The following ZMYM6 variants were observed in gnomAD, a reference collection of about 807,000 sequenced individuals.
The protein encoded by ZMYM6 is zinc finger MYM-type protein 6.
In ZMYM6, 90 loss-of-function variants were observed where a neutral mutation model predicts 134.0. The ratio of observed to expected loss-of-function variants is 0.67; its 90% CI spans 0.57 to 0.80. The LOEUF (loss-of-function observed/expected upper bound fraction) is 0.80, where lower values mean the gene tolerates loss of function less well. ZMYM6 is among the 30% of genes least tolerant of loss of function. ZMYM6 has a pLI of 0.00. For missense variants in ZMYM6, 1,362 were observed against 1,533.9 expected (o/e 0.89, Z 1.87); for synonymous variants, 481 against 524.1 (o/e 0.92, Z 1.12).
At chr1:35,007,431 T>G (rs1641004507) in intron 11 of ZMYM6, among the ~76,000 whole-genome samples, 1 of 151,940 alleles carries the variant, frequency 6.6e-6, no homozygotes, top group East Asian at 1.9e-4. Flanking sequence ...TCTACTAAAG[T>G]ACAAAAATTA....
chr1:35,001,522 A>C (rs1253067485), intron 14 of ZMYM6, among the ~76,000 whole-genome samples: 2 of 152,140 alleles, frequency 1.3e-5, no homozygotes, highest in African/African-American at 2.4e-5. Context: ...CAGAGGAAAG[A>C]AGCATTCTCA....
intron 14 of ZMYM6, among the ~76,000 whole-genome samples, chr1:35,002,971 G>C (rs960082941): frequency 5.3e-5 from 8 of 152,080 alleles, no homozygotes; most frequent in Admixed American, 3.9e-4. Context: ...CTAGGAGTTT[G>C]AGACTAGCCT....
chr1:35,030,298 G>C, intron 2 of ZMYM6: 1 of 418,246 alleles, frequency 2.4e-6, no homozygotes, highest in South Asian at 4.2e-5. Context: ...GAGCATGTTG[G>C]TGTGTGCCCT....
At chr1:35,030,860 C>T (rs1457816310) in intron 1 of ZMYM6, 147 bp from the exon 2 acceptor site, 4 of 522,608 alleles carry the variant, frequency 7.7e-6, no homozygotes, top group African/African-American at 6.0e-5. Context: ...TTTCTTCCTG[C>T]TTTCTGTTCC....
chr1:34,994,460 C>T (rs1307021514), intron 14 of ZMYM6, among the ~76,000 whole-genome samples: 1 of 152,058 alleles, frequency 6.6e-6, no homozygotes, highest in East Asian at 1.9e-4. Flanking sequence ...TGGGAGAAAG[C>T]TTGGCATGCT....
intron 1 of ZMYM6, 148 bp downstream of exon 1, chr1:35,031,667 G>A (rs1006511136): frequency 6.6e-6 from 1 of 152,092 alleles, no homozygotes; most frequent in Non-Finnish European, 1.5e-5. Context: ...CGGTGGACTA[G>A]CCAGTGAATG....
At chr1:35,019,625 G>A (rs1391034541) in intron 3 of ZMYM6, 23 bp from the exon 4 acceptor site, 2 of 1,560,600 alleles carry the variant, frequency 1.3e-6, no homozygotes, top group Admixed American at 2.1e-5. Flanking sequence ...AATAAAAAAA[G>A]TTTTAGTATC....
At chr1:35,028,341 G>C (rs1324424471) in intron 2 of ZMYM6, among the ~76,000 whole-genome samples, 1 of 151,298 alleles carries the variant, frequency 6.6e-6, no homozygotes, top group Non-Finnish European at 1.5e-5. Context: ...GAATGATACT[G>C]CCTGTGAGAT....
chr1:35,013,199 T>C, intron 6 of ZMYM6: 1 of 705,586 alleles, frequency 1.4e-6, no homozygotes, highest in Non-Finnish European at 1.7e-6. Context: ...ATATAGTGTA[T>C]CACAGAAACC....
Position 35,007,502 on chromosome 1 carries a change from C to T in ZMYM6, c.1666-404G>A, listed in dbSNP as rs556196747. ...ACTTAGAAGGCTGAGGTAAGATAAT[C>T]GCTTGAATCCAGGAGGCAGAGGTTG... On this transcript the variant is annotated intron_variant, in intron 11 of 15. Transcript: ENST00000357182. Among the ~76,000 whole-genome samples the T allele has an allele frequency of 3.6e-4, 54 of 152,036 alleles. 1 individual carries two copies. The highest frequency in any genetic ancestry group is 3.4e-3 in the Middle Eastern group (1 of 294).
chr1:34,992,989 G>C (rs1640711906), intron 14 of ZMYM6, among the ~76,000 whole-genome samples: 1 of 149,386 alleles, frequency 6.7e-6, no homozygotes. Context: ...AGAAAAATTA[G>C]ATCCAACCTC....
intron 15 of ZMYM6, among the ~76,000 whole-genome samples, chr1:34,990,601 C>T (rs974238792): frequency 6.6e-6 from 1 of 152,160 alleles, no homozygotes; most frequent in Admixed American, 6.5e-5. Flanking sequence ...CATAGCTTAA[C>T]CCAACATTGC....
In ZMYM6 at chr1:34,999,108, A is replaced by G. The variant is rs1419976273; in HGVS notation, c.1992+4860T>C. Among the ~76,000 whole-genome samples the G allele has an allele frequency of 3.3e-5, 5 of 152,320 alleles. No homozygotes were observed. In the East Asian group the frequency reaches 7.7e-4, roughly 23 times the overall value. ...CTGCACTCAAGACCCTGTCTCAATC[A>G]GTAAATAAATAAAACCACAGGACTG... On this transcript the variant is annotated intron_variant, in intron 14 of 15. Transcript: ENST00000357182.
In ZMYM6 at chr1:34,987,513, T is replaced by C; in HGVS notation, c.3569A>G (p.His1190Arg). Residue 1190 changes from histidine to arginine, a missense_variant, in exon 16 of 16, where the codon CAC becomes CGC. His to Arg is a conservative substitution (Grantham distance 29). Around this residue, in one of 3 missense-constraint regions of ZMYM6, gnomAD observed 824 missense variants for 940.9 expected, o/e 0.88. Coordinates refer to ENST00000357182, the MANE Select transcript of ZMYM6 (RefSeq NM_007167.4). ...GAACACTTGAGAAAGTCCTTCCAGG[T>C]GCTCAAAAATAATCCTTGTGATGTC... ...MTDITRIIFEHLEGLSQVFSD... is the reference protein window; with the variant it reads ...MTDITRIIFERLEGLSQVFSD... 1.9e-6 allele frequency: 3 copies of C among 1,613,002 alleles called. No individual in the cohort carries two copies. The highest frequency in any genetic ancestry group is 2.5e-6 in the Non-Finnish European group (3 of 1,179,508).
At chr1:35,009,779 A>G (rs1349503385) in intron 10 of ZMYM6, among the ~76,000 whole-genome samples, 2 of 151,672 alleles carry the variant, frequency 1.3e-5, no homozygotes, top group Non-Finnish European at 2.9e-5. Flanking sequence ...TACCAAAAAT[A>G]AAAAAAATTA....
chr1:35,011,168 G>T, intron 8 of ZMYM6, 132 bp from the exon 9 acceptor site: 1 of 929,326 alleles, frequency 1.1e-6, no homozygotes, highest in Non-Finnish European at 1.6e-6. Context: ...CACAGAAAGA[G>T]TTTAAATGGT....
intron 2 of ZMYM6, 101 bp from the exon 3 acceptor site, chr1:35,020,568 C>CTT (rs942213398): frequency 7.4e-3 from 1,788 of 240,624 alleles, no homozygotes; most frequent in South Asian, 0.012. Flanking sequence ...TATTCATCTC[C>CTT]TTTTTTTTTT....
At chr1:34,990,867 TTTA>T (rs1294275862) in intron 15 of ZMYM6, among the ~76,000 whole-genome samples, 1 of 152,116 alleles carries the variant, frequency 6.6e-6, no homozygotes, top group African/African-American at 2.4e-5. Flanking sequence ...ACATTCGAGA[TTTA>T]TTCTTTTAAA....
chr1:34,997,764 C>G (rs1640808609), intron 14 of ZMYM6, among the ~76,000 whole-genome samples: 1 of 151,982 alleles, frequency 6.6e-6, no homozygotes, highest in African/African-American at 2.4e-5. Context: ...TTAGAAAGAC[C>G]TCTACACCGT....
Sources: gnomAD v4.1 joint callset for allele counts (sites outside exome capture counted in the v4.1 genomes callset) on GRCh38, gnomAD v4.1.1 for gene constraint, gnomAD v4.1.1 regional missense constraint, MANE v1.5 for transcripts, NCBI Gene and HGNC (gene_info 2026-07-23, HGNC 2026-07-21) for gene names.